Variants in KCNN2 observed in about 807,000 individuals in gnomAD.
The protein encoded by KCNN2 is potassium calcium-activated channel subfamily N member 2, also known as small conductance calcium-activated potassium channel protein 2.
Under a neutral mutation model 55.5 loss-of-function variants are expected in KCNN2, and 24 were observed. The observed-to-expected ratio is 0.43, with a 90% confidence interval of 0.31 to 0.61. The LOEUF is 0.61. KCNN2 is among the 20% of genes least tolerant of loss of function. The pLI is 0.08. For missense variants in KCNN2, 754 were observed against 853.6 expected (o/e 0.88, Z 1.45); for synonymous variants, 431 against 336.1 (o/e 1.28, Z -3.09).
chr5:114,309,594 C>A (rs930678034), intron 2 of KCNN2, among the ~76,000 whole-genome samples: 1 of 152,156 alleles, frequency 6.6e-6, no homozygotes, highest in Non-Finnish European at 1.5e-5. Flanking sequence ...GTAATGAAGA[C>A]AAAGGCAGAT....
intron 2 of KCNN2, among the ~76,000 whole-genome samples, chr5:114,250,747 G>A (rs1754841517): frequency 6.6e-6 from 1 of 152,082 alleles, no homozygotes; most frequent in Non-Finnish European, 1.5e-5. Context: ...GTCTATTTTG[G>A]GCCACACTTA....
At chr5:114,097,404 T>C (rs902878247) in intron 1 of KCNN2, among the ~76,000 whole-genome samples, 3 of 152,186 alleles carry the variant, frequency 2.0e-5, no homozygotes, top group Non-Finnish European at 2.9e-5. Context: ...ACTGTCTCTG[T>C]GTCCTGTAGT....
At chr5:114,414,531 G>T (rs1016163629) in intron 3 of KCNN2, among the ~76,000 whole-genome samples, 14 of 152,104 alleles carry the variant, frequency 9.2e-5, no homozygotes, top group Admixed American at 9.2e-4. Flanking sequence ...GCATCAGTCT[G>T]TCCCACCCTG....
chr5:114,185,502 C>T (rs1753313424), intron 1 of KCNN2, among the ~76,000 whole-genome samples: 1 of 152,134 alleles, frequency 6.6e-6, no homozygotes, highest in African/African-American at 2.4e-5. Flanking sequence ...CTGTGTGGAA[C>T]GTGGGATTCA....
At chr5:114,236,452 A>G (rs1486464702) in intron 2 of KCNN2, among the ~76,000 whole-genome samples, 3 of 152,094 alleles carry the variant, frequency 2.0e-5, no homozygotes, top group African/African-American at 7.2e-5. Flanking sequence ...TCATATGCTC[A>G]TTGTTGATCC....
intron 2 of KCNN2, among the ~76,000 whole-genome samples, chr5:114,302,932 CT>C (rs1756196915): frequency 6.6e-6 from 1 of 152,210 alleles, no homozygotes; most frequent in South Asian, 2.1e-4. Flanking sequence ...AGAGAGAAAA[CT>C]TCTGGTTGGA....
intron 2 of KCNN2, among the ~76,000 whole-genome samples, chr5:114,339,117 C>T (rs552947589): frequency 1.3e-5 from 2 of 152,252 alleles, no homozygotes; most frequent in South Asian, 2.1e-4. Context: ...CTTTGCCAAA[C>T]GTACATAAGA....
intron 2 of KCNN2, among the ~76,000 whole-genome samples, chr5:114,330,035 C>T (rs1299093726): frequency 6.8e-6 from 1 of 147,616 alleles, no homozygotes; most frequent in Non-Finnish European, 1.5e-5. Flanking sequence ...CCCTTTGAGC[C>T]TGGCTCTCTT....
At chr5:114,351,637 ATTCCTACT>A (rs756506468) in intron 2 of KCNN2, among the ~76,000 whole-genome samples, 4 of 151,746 alleles carry the variant, frequency 2.6e-5, no homozygotes, top group Non-Finnish European at 5.9e-5. Context: ...TCTTCCTGGT[ATTCCTACT>A]TTGTTGAGTG....
At chr5:114,229,894 G>A (rs1754321236) in intron 2 of KCNN2, among the ~76,000 whole-genome samples, 1 of 152,084 alleles carries the variant, frequency 6.6e-6, no homozygotes, top group African/African-American at 2.4e-5. Context: ...ACAAACCCTA[G>A]AAATGGACTT....
At chr5:114,234,343 G>A (rs944783582) in intron 2 of KCNN2, among the ~76,000 whole-genome samples, 4 of 152,098 alleles carry the variant, frequency 2.6e-5, no homozygotes, top group African/African-American at 9.7e-5. Context: ...TGCGATGTGC[G>A]ATGGTAAATT....
chr5:114,366,988 T>G (rs1016084119), intron 2 of KCNN2, among the ~76,000 whole-genome samples: 1 of 152,248 alleles, frequency 6.6e-6, no homozygotes, highest in African/African-American at 2.4e-5. Context: ...ATGATATGAT[T>G]TCTCACTGCA....
rs1757466751 is a variant in KCNN2 at position 114,362,672 on chromosome 5, C to G, written c.533C>G (p.Ser178Cys). ...SPTGSLGSLG[S>C]GPPLSHHHHH... The stretch of plus-strand genomic sequence containing the variant: ...ACGGGCAGCCTCGGCAGTCTGGGCT[C>G]CGGGCCCCCGCTCTCGCACCACCAC... Residue 178 changes from serine (S) to cysteine (C), a missense_variant, in exon 1 of 8, where the codon TCC (serine) becomes TGC (cysteine). Around this residue, in one of 4 missense-constraint regions of KCNN2, gnomAD observed 381 missense variants for 259.1 expected, o/e 1.47. Coordinates refer to ENST00000673685, the MANE Select transcript of KCNN2 (RefSeq NM_021614.4). The G allele has an allele frequency of 7.0e-6, 10 of 1,427,752 alleles. No homozygotes were observed. Among genetic ancestry groups the G allele is most frequent in the Non-Finnish European group, 9.2e-6 (10 of 1,090,902 alleles). The allele number at this position is 1,427,752 out of a possible 1,614,324, so 88.4% of individuals were successfully genotyped here. A position where few individuals can be genotyped will look rare whatever the true frequency, so the allele number is the denominator to read the frequency against.
intron 2 of KCNN2, among the ~76,000 whole-genome samples, chr5:114,292,512 C>T (rs1458643242): frequency 1.3e-5 from 2 of 152,094 alleles, no homozygotes; most frequent in East Asian, 3.9e-4. Context: ...AGATATGTGG[C>T]ATTATTTCTG....
intron 1 of KCNN2, among the ~76,000 whole-genome samples, chr5:114,059,429 A>G (rs11241260): frequency 0.1 from 15,558 of 152,268 alleles, 1,084 homozygotes; most frequent in Middle Eastern, 0.24. Flanking sequence ...GTATGAGCAT[A>G]TAGGTGATAT....
intron 3 of KCNN2, among the ~76,000 whole-genome samples, chr5:114,448,151 T>G (rs1760496462): frequency 6.6e-6 from 1 of 152,236 alleles, no homozygotes; most frequent in Non-Finnish European, 1.5e-5. Context: ...TTTCACTCTT[T>G]TATTCACTTT....
chr5:114,383,431 G>C (rs1476262854), intron 2 of KCNN2, among the ~76,000 whole-genome samples: 2 of 147,528 alleles, frequency 1.4e-5, no homozygotes, highest in Admixed American at 1.3e-4. Context: ...GCAAAGGGAA[G>C]ATGCTAGAAG....
chr5:114,123,751 G>T (rs1038035463), intron 1 of KCNN2, among the ~76,000 whole-genome samples: 1 of 152,056 alleles, frequency 6.6e-6, no homozygotes, highest in Non-Finnish European at 1.5e-5. Context: ...TTTTGACTTT[G>T]ATATTCTAGA....
At chr5:114,096,786 A>T (rs1226360264) in intron 1 of KCNN2, among the ~76,000 whole-genome samples, 2 of 152,166 alleles carry the variant, frequency 1.3e-5, no homozygotes, top group Non-Finnish European at 2.9e-5. Context: ...TACCATCCTA[A>T]TTGACAACCA....
Sources: gnomAD v4.1 joint callset for allele counts (sites outside exome capture counted in the v4.1 genomes callset) on GRCh38, gnomAD v4.1.1 for gene constraint, gnomAD v4.1.1 regional missense constraint, MANE v1.5 for transcripts, NCBI Gene and HGNC (gene_info 2026-07-23, HGNC 2026-07-21) for gene names.